Variants in COG5 observed in about 807,000 individuals in gnomAD.
COG5 encodes component of oligomeric golgi complex 5.
COG5 carries 86 observed loss-of-function variants against 110.4 expected under a neutral mutation model. The ratio of observed to expected loss-of-function variants is 0.78; its 90% confidence interval spans 0.65 to 0.93. The LOEUF (loss-of-function observed/expected upper bound fraction) is 0.93, where lower values mean the gene tolerates loss of function less well. Ranked by LOEUF, COG5 falls within the 40% of genes least tolerant of loss-of-function variation. COG5 has a pLI of 0.00. For missense variants in COG5, 1,077 were observed against 987.0 expected, an observed-to-expected ratio of 1.09 and a Z score of -1.22; for synonymous variants, 360 against 334.6, an observed-to-expected ratio of 1.08 and a Z score of -0.83.
At chr7:107,345,697 A>G (rs1290764849) in intron 10 of COG5, among the ~76,000 whole-genome samples, 3 of 152,178 alleles carry the variant, frequency 2.0e-5, no homozygotes, top group Non-Finnish European at 4.4e-5. Flanking sequence ...GTACACTTAG[A>G]CTTAAGTTGA....
chr7:107,405,288 A>C (rs1791751587), intron 7 of COG5, among the ~76,000 whole-genome samples: 1 of 152,200 alleles, frequency 6.6e-6, no homozygotes, highest in Admixed American at 6.5e-5. Flanking sequence ...ACAGAGCCTG[A>C]CAAAGAACAG....
intron 6 of COG5, among the ~76,000 whole-genome samples, chr7:107,476,404 C>G (rs1402379842): frequency 2.0e-5 from 3 of 151,308 alleles, no homozygotes; most frequent in African/African-American, 7.3e-5. Context: ...AATGTTCCCA[C>G]CAAATCATAG....
chr7:107,430,285 T>C (rs911471032), intron 6 of COG5, among the ~76,000 whole-genome samples: 8 of 152,348 alleles, frequency 5.3e-5, no homozygotes, highest in Admixed American at 1.3e-4. Flanking sequence ...GGAAGTGATA[T>C]ATATTCATTC....
intron 16 of COG5, among the ~76,000 whole-genome samples, chr7:107,251,855 T>G (rs975797809): frequency 6.6e-6 from 1 of 150,848 alleles, no homozygotes; most frequent in Admixed American, 6.6e-5. Flanking sequence ...TAGCAAAAAG[T>G]AGAAAATAAA....
intron 5 of COG5, among the ~76,000 whole-genome samples, chr7:107,537,004 C>G (rs1396777408): frequency 6.6e-6 from 1 of 152,118 alleles, no homozygotes; most frequent in East Asian, 1.9e-4. Context: ...TTTGACAAAC[C>G]AGACAAAAAC....
intron 10 of COG5, among the ~76,000 whole-genome samples, chr7:107,344,320 T>C (rs758081494): frequency 6.6e-6 from 1 of 152,204 alleles, no homozygotes; most frequent in Non-Finnish European, 1.5e-5. Context: ...GAGTAGCTTT[T>C]TTCCCTTAAA....
intron 6 of COG5, among the ~76,000 whole-genome samples, chr7:107,477,069 T>C (rs867037020): frequency 2.1e-4 from 32 of 151,702 alleles, no homozygotes; most frequent in Admixed American, 8.6e-4. Flanking sequence ...TGACAAAATG[T>C]AGCATAAGCA....
chr7:107,445,726 A>T (rs372742194), intron 6 of COG5, among the ~76,000 whole-genome samples: 1 of 152,206 alleles, frequency 6.6e-6, no homozygotes, highest in African/African-American at 2.4e-5. Flanking sequence ...ATGGTATACG[A>T]TGAAAAGCAT....
At chr7:107,306,396 A>G (rs1420275562) in intron 11 of COG5, among the ~76,000 whole-genome samples, 3 of 152,190 alleles carry the variant, frequency 2.0e-5, no homozygotes, top group African/African-American at 7.2e-5. Context: ...GCTAATTGTA[A>G]ATAAATGTAA....
At chr7:107,436,255 C>T (rs1265614941) in intron 6 of COG5, among the ~76,000 whole-genome samples, 1 of 152,038 alleles carries the variant, frequency 6.6e-6, no homozygotes, top group African/African-American at 2.4e-5. Context: ...ATACATACAG[C>T]GAATTATTCA....
At chr7:107,361,894 A>G (rs1391138165) in intron 10 of COG5, 139 bp downstream of exon 10, 40 of 652,006 alleles carry the variant, frequency 6.1e-5, no homozygotes, top group Non-Finnish European at 2.2e-5. Flanking sequence ...GAACATTATT[A>G]TAGTTGTCAA....
chr7:107,202,040 T>C lies in COG5; in HGVS notation c.*1476A>G. 1 of 152,618 alleles carries C rather than the reference T, an allele frequency of 6.6e-6. No individual in the cohort carries two copies. Among genetic ancestry groups the C allele is most frequent in the East Asian group, 1.9e-4 (1 of 5,200 alleles). The allele number at this position is 152,618 out of a possible 1,614,324, so 9.5% of individuals were successfully genotyped here. On this transcript the variant is annotated 3_prime_UTR_variant, in exon 22 of 22. Coordinates refer to ENST00000297135, the MANE Select transcript of COG5 (RefSeq NM_006348.5). ...GCTGCAGTTACCATGGCATGCTGAG[T>C]TGATGCACCAGGTGGCAGCAGCCAT...
intron 7 of COG5, among the ~76,000 whole-genome samples, chr7:107,403,136 T>G (rs1020649301): frequency 6.6e-6 from 1 of 152,164 alleles, no homozygotes; most frequent in African/African-American, 2.4e-5. Flanking sequence ...TAAAACAATT[T>G]TGGTTTGGAA....
At position 107,298,291 on chromosome 7, in the gene COG5, A is replaced by C; in HGVS notation, c.1164T>G (p.Leu388=). 1 of 1,613,726 alleles carries C rather than the reference A, an allele frequency of 6.2e-7. No homozygotes were observed. Among genetic ancestry groups the C allele is most frequent in the Non-Finnish European group, 8.5e-7 (1 of 1,179,814 alleles). Residue 388 remains leucine (L), a synonymous_variant, in exon 12 of 22, where the codon CTT becomes CTG. Transcript: ENST00000297135. ...FEGEYPKLLR[L]YNDLWKRLQQ... ...GAAGACGCTTCCATAAGTCATTATA[A>C]AGACGTAATAATTTAGGGTATTCTC...
At chr7:107,319,597 G>A (rs937246765) in intron 11 of COG5, among the ~76,000 whole-genome samples, 1 of 152,144 alleles carries the variant, frequency 6.6e-6, no homozygotes, top group African/African-American at 2.4e-5. Context: ...GAAAACAGGT[G>A]TTTCACAAAT....
intron 11 of COG5, among the ~76,000 whole-genome samples, chr7:107,315,325 T>C (rs1251005661): frequency 1.3e-5 from 2 of 152,156 alleles, no homozygotes; most frequent in Non-Finnish European, 2.9e-5. Flanking sequence ...GTAACACATA[T>C]ATCTCAATGT....
chr7:107,455,361 A>C (rs1410799825), intron 6 of COG5, among the ~76,000 whole-genome samples: 1 of 152,228 alleles, frequency 6.6e-6, no homozygotes, highest in Non-Finnish European at 1.5e-5. Context: ...GTCTAGATAC[A>C]CTTTTAGATG....
intron 8 of COG5, among the ~76,000 whole-genome samples, chr7:107,371,237 G>C (rs1438631987): frequency 6.6e-6 from 1 of 151,964 alleles, no homozygotes; most frequent in African/African-American, 2.4e-5. Flanking sequence ...TTTTTATCCA[G>C]TACAACTTAA....
chr7:107,468,856 A>C (rs1978086), intron 6 of COG5, among the ~76,000 whole-genome samples: 1,814 of 152,198 alleles, frequency 0.012, 24 homozygotes, highest in African/African-American at 0.041. Flanking sequence ...AGCCACATGT[A>C]ATGTCCTCTA....
Sources: allele counts gnomAD v4.1 joint callset (sites outside exome capture counted in the v4.1 genomes callset), GRCh38; gene constraint gnomAD v4.1.1; transcripts MANE v1.5; gene names NCBI Gene and HGNC (gene_info 2026-07-23, HGNC 2026-07-21).